Variants in SLC35F3 observed in about 807,000 individuals in gnomAD.
The protein encoded by SLC35F3 is solute carrier family 35 member F3, also known as putative thiamine transporter SLC35F3.
Under a neutral mutation model 49.9 loss-of-function variants are expected in SLC35F3, and 25 were observed. That is an observed-to-expected ratio of 0.50 (90% CI 0.37 to 0.70). SLC35F3 has a LOEUF of 0.70. Among genes scored for constraint, SLC35F3 ranks in the 30% least tolerant of loss-of-function variants. The pLI, the probability that SLC35F3 is intolerant of heterozygous loss-of-function variation, is 0.00. For missense variants in SLC35F3, 525 were observed against 639.8 expected (o/e 0.82, Z 1.94); for synonymous variants, 275 against 265.4 (o/e 1.04, Z -0.35).
intron 3 of SLC35F3, among the ~76,000 whole-genome samples, chr1:234,292,185 T>C (rs373258800): frequency 1.3e-5 from 2 of 152,194 alleles, no homozygotes; most frequent in Admixed American, 6.5e-5. Context: ...GCCCAGCACA[T>C]TGAGAATCAT....
At chr1:234,142,512 G>A (rs1213507040) in intron 2 of SLC35F3, among the ~76,000 whole-genome samples, 2 of 152,086 alleles carry the variant, frequency 1.3e-5, no homozygotes, top group African/African-American at 4.8e-5. Flanking sequence ...GCAGCCTGTT[G>A]GAATTAGACG....
At chr1:234,101,003 G>A (rs372352025) in intron 2 of SLC35F3, among the ~76,000 whole-genome samples, 3 of 152,076 alleles carry the variant, frequency 2.0e-5, no homozygotes, top group African/African-American at 7.2e-5. Context: ...AACCACTTGG[G>A]GCTTTTTCCA....
chr1:234,168,976 C>T (rs1358368242), intron 2 of SLC35F3, among the ~76,000 whole-genome samples: 1 of 152,110 alleles, frequency 6.6e-6, no homozygotes, highest in Non-Finnish European at 1.5e-5. Flanking sequence ...TGTTTGGAAG[C>T]TAGAGTGCTA....
chr1:234,209,729 G>C (rs1667022974), intron 2 of SLC35F3, among the ~76,000 whole-genome samples: 1 of 151,920 alleles, frequency 6.6e-6, no homozygotes, highest in Middle Eastern at 3.2e-3. Flanking sequence ...AAAATTAAAG[G>C]GAAGAAGTTG....
intron 3 of SLC35F3, among the ~76,000 whole-genome samples, chr1:234,262,562 TTTTATTACTCCC>T (rs1479117104): frequency 6.6e-6 from 1 of 152,162 alleles, no homozygotes; most frequent in Non-Finnish European, 1.5e-5. Context: ...GGTAAGCTGT[TTTTATTACTCCC>T]TTCCTGGTCC....
intron 3 of SLC35F3, among the ~76,000 whole-genome samples, chr1:234,288,257 C>G (rs1045150274): frequency 6.6e-6 from 1 of 152,082 alleles, no homozygotes; most frequent in Admixed American, 6.6e-5. Context: ...CCCTCCCCGC[C>G]GCCACTTTCC....
At chr1:234,117,476 C>G (rs1239537294) in intron 2 of SLC35F3, among the ~76,000 whole-genome samples, 2 of 152,044 alleles carry the variant, frequency 1.3e-5, no homozygotes, top group African/African-American at 2.4e-5. Context: ...CTTGTAATCC[C>G]AGCTACTTGG....
chr1:234,136,905 A>G (rs770956145), intron 2 of SLC35F3, among the ~76,000 whole-genome samples: 2 of 152,210 alleles, frequency 1.3e-5, no homozygotes, highest in Non-Finnish European at 2.9e-5. Flanking sequence ...CCGCTTTGGT[A>G]GTTGATTAAA....
At position 233,933,557 on chromosome 1, in the gene SLC35F3, G is replaced by A. The variant is rs145660753; in HGVS notation, c.283+27799G>A. 2.0e-3 allele frequency among the ~76,000 whole-genome samples: 298 copies of A among 152,212 alleles called. 1 individual carries two copies. Among genetic ancestry groups the A allele is most frequent in the Middle Eastern group, 3.4e-3 (1 of 294 alleles). On this transcript the variant is annotated intron_variant, in intron 2 of 7. Coordinates refer to ENST00000366618, the MANE Select transcript of SLC35F3 (RefSeq NM_173508.4). ...AACTGGAGGTGAAGAGCATTTCAGG[G>A]GTTGGGAAGTAAGAAAAGGGAACTG...
At chr1:234,012,026 C>A (rs534119235) in intron 2 of SLC35F3, among the ~76,000 whole-genome samples, 1 of 152,054 alleles carries the variant, frequency 6.6e-6, no homozygotes, top group South Asian at 2.1e-4. Flanking sequence ...AAGAAGAATG[C>A]GGTAGGAGAG....
chr1:234,236,925 T>TATATATATATATATATA (rs1491285612), intron 3 of SLC35F3, among the ~76,000 whole-genome samples: 1 of 96,292 alleles, frequency 1.0e-5, no homozygotes, highest in African/African-American at 4.1e-5. Context: ...AAAAAAAAAA[T>TATATATATATATATATA]TATATATATA....
chr1:233,917,480 T>C (rs1661992029), intron 2 of SLC35F3, among the ~76,000 whole-genome samples: 1 of 152,152 alleles, frequency 6.6e-6, no homozygotes, highest in South Asian at 2.1e-4. Context: ...ACAATGAAGA[T>C]TTTTGACTGG....
intron 2 of SLC35F3, among the ~76,000 whole-genome samples, chr1:233,997,123 T>C (rs1376849886): frequency 1.3e-5 from 2 of 152,204 alleles, no homozygotes. Context: ...ATTGCATATA[T>C]ACACCACAAT....
chr1:234,318,088 A>G (rs965095400), intron 5 of SLC35F3, among the ~76,000 whole-genome samples: 4 of 152,216 alleles, frequency 2.6e-5, no homozygotes, highest in African/African-American at 9.6e-5. Flanking sequence ...GCAGAGACTC[A>G]AATTGGACCA....
intron 2 of SLC35F3, among the ~76,000 whole-genome samples, chr1:234,094,401 G>C (rs1402556852): frequency 6.6e-6 from 1 of 152,220 alleles, no homozygotes; most frequent in African/African-American, 2.4e-5. Flanking sequence ...CAGATAGCAA[G>C]AGCACTATAT....
chr1:234,001,557 G>T (rs1663554146), intron 2 of SLC35F3, among the ~76,000 whole-genome samples: 1 of 152,160 alleles, frequency 6.6e-6, no homozygotes, highest in Non-Finnish European at 1.5e-5. Flanking sequence ...GATAATACTA[G>T]CAGGTATACA....
chr1:234,311,642 T>C (rs1312477103), intron 4 of SLC35F3, among the ~76,000 whole-genome samples: 2 of 152,220 alleles, frequency 1.3e-5, no homozygotes, highest in Admixed American at 6.5e-5. Context: ...ACGTGTCTTA[T>C]CATGCTGGGG....
chr1:234,084,825 T>C (rs1263078503), intron 2 of SLC35F3, among the ~76,000 whole-genome samples: 1 of 152,196 alleles, frequency 6.6e-6, no homozygotes, highest in East Asian at 1.9e-4. Context: ...TGTATTGTAG[T>C]ATCTTCAGAT....
intron 2 of SLC35F3, among the ~76,000 whole-genome samples, chr1:234,155,200 G>A (rs10910367): frequency 0.2 from 30,928 of 151,962 alleles, 5,137 homozygotes; most frequent in East Asian, 0.86. Flanking sequence ...GGATACAGAG[G>A]GCTGATTACA....
Sources: gnomAD v4.1 joint callset for allele counts (sites outside exome capture counted in the v4.1 genomes callset) on GRCh38, gnomAD v4.1.1 for gene constraint, MANE v1.5 for transcripts, NCBI Gene and HGNC (gene_info 2026-07-23, HGNC 2026-07-21) for gene names.